The following MCU variants were observed in gnomAD, a reference collection of about 807,000 sequenced individuals.
MCU encodes the protein calcium uniporter protein, mitochondrial.
In MCU, 12 loss-of-function variants were observed where a neutral mutation model predicts 45.2. The observed-to-expected ratio is 0.27, with a 90% CI of 0.17 to 0.43. The LOEUF (loss-of-function observed/expected upper bound fraction) is 0.43, where lower values mean the gene tolerates loss of function less well. Among genes scored for constraint, MCU ranks in the 20% least tolerant of loss-of-function variants. MCU has a pLI of 1.00. For missense variants in MCU, 324 were observed against 436.7 expected (o/e 0.74, Z 2.30); for synonymous variants, 160 against 165.1 (o/e 0.97, Z 0.24).
At chr10:72,805,101 C>CTCTCTCTCTCTT (rs1554824918) in intron 1 of MCU, among the ~76,000 whole-genome samples, 1 of 103,398 alleles carries the variant, frequency 9.7e-6, no homozygotes, top group African/African-American at 4.3e-5. Context: ...TTCTTTCTTT[C>CTCTCTCTCTCTT]TCTTTCTTTC....
intron 1 of MCU, among the ~76,000 whole-genome samples, chr10:72,770,749 T>C (rs1185357079): frequency 1.3e-5 from 2 of 152,154 alleles, no homozygotes; most frequent in African/African-American, 4.8e-5. Context: ...TTTGTTCTGA[T>C]AGCGTCAAAT....
chr10:72,765,074 A>G (rs1248483091), intron 1 of MCU, among the ~76,000 whole-genome samples: 5 of 149,752 alleles, frequency 3.3e-5, no homozygotes, highest in Non-Finnish European at 5.9e-5. Context: ...CAACATGGTG[A>G]ACCCCATCTC....
rs907837299 is a variant in MCU, at chr10:72,885,797, T to C, written c.1031T>C (p.Leu344Pro). Residue 344 changes from leucine to proline, a missense_variant, in exon 8 of 8, where the codon CTC (leucine) becomes CCC (proline). Coordinates refer to ENST00000373053, the MANE Select transcript of MCU (RefSeq NM_138357.3). Reference sequence around the variant, plus strand: ...GACCCATTACAAGTACATCTGCCTCTCCGACAAATTGGTGAAAAAGATTGA... The same window carrying C: ...GACCCATTACAAGTACATCTGCCTCCCCGACAAATTGGTGAAAAAGATTGA... The part of the protein sequence containing the change: ...LRDPLQVHLP[L>P]RQIGEKD 2 of 1,613,652 alleles carry C rather than the reference T, an allele frequency of 1.2e-6. No individual in the cohort carries two copies. The highest frequency in any genetic ancestry group is 1.7e-5 in the Admixed American group (1 of 59,956).
At chr10:72,789,078 C>T (rs1844119806) in intron 1 of MCU, among the ~76,000 whole-genome samples, 1 of 152,102 alleles carries the variant, frequency 6.6e-6, no homozygotes, top group Non-Finnish European at 1.5e-5. Context: ...TGTGTCTACT[C>T]CTTGAGCCTT....
chr10:72,795,093 A>G (rs1844223544), intron 1 of MCU, among the ~76,000 whole-genome samples: 1 of 152,224 alleles, frequency 6.6e-6, no homozygotes, highest in African/African-American at 2.4e-5. Flanking sequence ...TTAACTATAG[A>G]CAGCTAGAGG....
intron 7 of MCU, among the ~76,000 whole-genome samples, 167 bp from the exon 8 acceptor site, chr10:72,885,578 A>G (rs1430324007): frequency 6.6e-6 from 1 of 152,190 alleles, no homozygotes; most frequent in Admixed American, 6.5e-5. Context: ...TTGTTGTCCT[A>G]TGCCGTGAGT....
At chr10:72,772,848 G>A (rs564666584) in intron 1 of MCU, among the ~76,000 whole-genome samples, 1 of 152,194 alleles carries the variant, frequency 6.6e-6, no homozygotes, top group Non-Finnish European at 1.5e-5. Flanking sequence ...ACCCTAACAA[G>A]ATGGCAGTTT....
At chr10:72,736,203 T>C (rs144684885) in intron 1 of MCU, among the ~76,000 whole-genome samples, 23 of 152,332 alleles carry the variant, frequency 1.5e-4, no homozygotes, top group African/African-American at 5.5e-4. Context: ...TTTTTGCCAT[T>C]GGAAGACTGA....
At chr10:72,850,744 T>C (rs2132856674) in intron 2 of MCU, among the ~76,000 whole-genome samples, 2 of 152,350 alleles carry the variant, frequency 1.3e-5, no homozygotes, top group East Asian at 3.8e-4. Flanking sequence ...GCTCTAAGTA[T>C]TCATGTTGAA....
intron 7 of MCU, among the ~76,000 whole-genome samples, chr10:72,884,920 T>TC (rs1845756236): frequency 6.6e-6 from 1 of 152,228 alleles, no homozygotes; most frequent in Non-Finnish European, 1.5e-5. Context: ...TGTGCCTCCC[T>TC]CACTCTGTTA....
intron 2 of MCU, among the ~76,000 whole-genome samples, chr10:72,837,165 C>T (rs1450883700): frequency 6.6e-6 from 1 of 151,438 alleles, no homozygotes; most frequent in Non-Finnish European, 1.5e-5. Flanking sequence ...ATGCTTACCT[C>T]TCTAACAAAG....
Position 72,868,733 on chromosome 10 carries a change from T to C in MCU, c.527T>C (p.Leu176Pro). ...DLLSHENAAT[L>P]NDVKTLVQQL... is the part of the protein sequence containing the mutation. ...TTAAGTCATGAAAATGCAGCAACGCTGAATGATGTAAAGACATTGGTCCAG... is the reference window on the plus strand; with the variant it reads ...TTAAGTCATGAAAATGCAGCAACGCCGAATGATGTAAAGACATTGGTCCAG... The change falls in exon 5 of 8, where the codon CTG becomes CCG. Residue 176 changes from leucine (L) to proline (P), a missense_variant. Transcript: ENST00000373053. 1 of 1,614,050 alleles carries C rather than the reference T, an allele frequency of 6.2e-7. No individual in the cohort carries two copies. The highest frequency in any genetic ancestry group is 8.5e-7 in the Non-Finnish European group (1 of 1,179,998).
At chr10:72,749,529 T>G (rs988703270) in intron 1 of MCU, among the ~76,000 whole-genome samples, 1 of 152,218 alleles carries the variant, frequency 6.6e-6, no homozygotes, top group Non-Finnish European at 1.5e-5. Flanking sequence ...TGGCCTATTA[T>G]AGGGACTTGT....
At chr10:72,864,412 C>T (rs973569842) in intron 4 of MCU, among the ~76,000 whole-genome samples, 5 of 152,202 alleles carry the variant, frequency 3.3e-5, no homozygotes, top group African/African-American at 1.2e-4. Context: ...GTACCGTAGA[C>T]TGAGGTCTGC....
At chr10:72,763,279 C>T (rs1370790277) in intron 1 of MCU, among the ~76,000 whole-genome samples, 2 of 152,030 alleles carry the variant, frequency 1.3e-5, no homozygotes, top group African/African-American at 4.8e-5. Context: ...ATTTTGGGGT[C>T]CTTATTTCAC....
chr10:72,720,873 C>T (rs529743818), intron 1 of MCU, among the ~76,000 whole-genome samples: 1 of 152,240 alleles, frequency 6.6e-6, no homozygotes, highest in South Asian at 2.1e-4. Context: ...GTTATTTGAG[C>T]TTCTTGAAGT....
At chr10:72,856,449 A>G (rs778979527) in intron 2 of MCU, among the ~76,000 whole-genome samples, 11 of 152,188 alleles carry the variant, frequency 7.2e-5, no homozygotes, top group Non-Finnish European at 1.6e-4. Flanking sequence ...TGTAGGCCTT[A>G]TGAATTACTA....
At chr10:72,819,336 C>A (rs1004681390) in intron 1 of MCU, among the ~76,000 whole-genome samples, 7 of 152,168 alleles carry the variant, frequency 4.6e-5, no homozygotes, top group Admixed American at 3.9e-4. Context: ...TACACACATA[C>A]AATCAAGACA....
chr10:72,733,510 C>G (rs1180520273), intron 1 of MCU, among the ~76,000 whole-genome samples: 1 of 151,738 alleles, frequency 6.6e-6, no homozygotes, highest in Non-Finnish European at 1.5e-5. Context: ...ATTGCTTGAG[C>G]CCAGGAATTC....
Sources: gnomAD v4.1 joint callset for allele counts (sites outside exome capture counted in the v4.1 genomes callset) on GRCh38, gnomAD v4.1.1 for gene constraint, MANE v1.5 for transcripts, NCBI Gene and HGNC (gene_info 2026-07-23, HGNC 2026-07-21) for gene names.